Variants in SHISA9 observed in about 807,000 individuals in gnomAD.
SHISA9 encodes the protein protein shisa-9.
In SHISA9, 13 loss-of-function variants were observed where a neutral mutation model predicts 38.0. The ratio of observed to expected loss-of-function variants is 0.34; its 90% CI spans 0.22 to 0.54. The LOEUF (loss-of-function observed/expected upper bound fraction) is 0.54, where lower values mean the gene tolerates loss of function less well. Ranked by LOEUF, SHISA9 falls within the 20% of genes least tolerant of loss-of-function variation. The pLI is 0.91. For missense variants in SHISA9, 538 were observed against 575.8 expected (o/e 0.93, Z 0.67); for synonymous variants, 275 against 242.0 (o/e 1.14, Z -1.27).
In SHISA9 at chr16:13,239,678, G is replaced by T. The variant is rs979201250; in HGVS notation, c.*4269G>T. 10 of 152,148 alleles carry T rather than the reference G, an allele frequency of 6.6e-5. No individual in the cohort carries two copies. The East Asian group carries it at 1.7e-3, about 26-fold the overall frequency. 9.4% of individuals were successfully genotyped at this position (152,148 alleles called of 1,614,324 possible). ...TATCCTTCGCCCACTTTTTGATGGG[G>T]TTGTTTGTTTTTTTCTTGTAAATTT... On this transcript the variant is annotated 3_prime_UTR_variant, in exon 5 of 5. Transcript: ENST00000558583.
At chr16:13,431,793 G>A in the SHISA9 span, among the ~76,000 whole-genome samples, 2 of 152,308 alleles carry the variant, frequency 1.3e-5, no homozygotes, top group African/African-American at 4.8e-5. Flanking sequence ...CGGGCAAGTG[G>A]CTCACGTCTG....
At chr16:13,080,291 T>C (rs1481103864) in intron 2 of SHISA9, among the ~76,000 whole-genome samples, 2 of 152,182 alleles carry the variant, frequency 1.3e-5, no homozygotes, top group Non-Finnish European at 2.9e-5. Context: ...GAGAATGGCA[T>C]GAACCCGGGA....
intron 1 of SHISA9, among the ~76,000 whole-genome samples, chr16:12,914,106 C>T (rs1458149897): frequency 6.9e-6 from 1 of 143,954 alleles, no homozygotes; most frequent in African/African-American, 2.6e-5. Flanking sequence ...AGTGCAATGG[C>T]GCGATCTCGG....
chr16:13,380,661 A>T, the SHISA9 span, among the ~76,000 whole-genome samples: 1 of 152,162 alleles, frequency 6.6e-6, no homozygotes, highest in East Asian at 1.9e-4. Context: ...TTTCTTTTTT[A>T]AAACTTGGCA....
At chr16:12,950,436 C>T (rs1282279502) in intron 2 of SHISA9, among the ~76,000 whole-genome samples, 1 of 152,116 alleles carries the variant, frequency 6.6e-6, no homozygotes, top group Non-Finnish European at 1.5e-5. Context: ...GAAATCATTT[C>T]ACCCCAGTTA....
intron 2 of SHISA9, among the ~76,000 whole-genome samples, chr16:13,063,131 C>T (rs535424855): frequency 3.3e-5 from 5 of 152,258 alleles, no homozygotes; most frequent in East Asian, 1.9e-4. Flanking sequence ...CTCAGCCTCC[C>T]GAGTAGCTGG....
chr16:12,942,879 C>G (rs2071629577), intron 2 of SHISA9, among the ~76,000 whole-genome samples: 1 of 152,090 alleles, frequency 6.6e-6, no homozygotes, highest in Non-Finnish European at 1.5e-5. Context: ...GTGTCTCTCA[C>G]CTTTAGGCAC....
the SHISA9 span, among the ~76,000 whole-genome samples, chr16:13,465,897 T>A: frequency 1.0e-4 from 16 of 152,394 alleles, no homozygotes; most frequent in Non-Finnish European, 1.6e-4. Context: ...AGGTACATAT[T>A]ACTTATGACT....
intron 4 of SHISA9, among the ~76,000 whole-genome samples, chr16:13,229,262 G>A (rs2051308399): frequency 6.6e-6 from 1 of 152,238 alleles, no homozygotes; most frequent in Non-Finnish European, 1.5e-5. Flanking sequence ...ACGCTAGTGA[G>A]TGAGACGGAT....
At chr16:13,516,318 C>T in the SHISA9 span, among the ~76,000 whole-genome samples, 1 of 152,194 alleles carries the variant, frequency 6.6e-6, no homozygotes, top group South Asian at 2.1e-4. Context: ...TTCATAATCA[C>T]CCTGGACCTA....
rs543266247 is a variant in SHISA9 at position 13,072,088 on chromosome 16, G to C, written c.692-131306G>C. On this transcript the variant is annotated intron_variant, in intron 2 of 4. Transcript: ENST00000558583. ...GGGACTAAATGATTCCCTGCCCCTGGTTCCAGCTCAGTCGCTTTGGAAGGC... is the reference window on the plus strand; with the variant it reads ...GGGACTAAATGATTCCCTGCCCCTGCTTCCAGCTCAGTCGCTTTGGAAGGC... 5.6e-4 allele frequency among the ~76,000 whole-genome samples: 85 copies of C among 152,310 alleles called. 1 individual carries two copies. The highest frequency in any genetic ancestry group is 3.4e-3 in the Middle Eastern group (1 of 294).
At chr16:13,311,833 A>C in the SHISA9 span, among the ~76,000 whole-genome samples, 33 of 152,194 alleles carry the variant, frequency 2.2e-4, no homozygotes, top group African/African-American at 8.0e-4. Flanking sequence ...GTGCAAGTCA[A>C]CTTCCTTATA....
intron 1 of SHISA9, chr16:12,908,796 A>G (rs373814390): frequency 2.9e-6 from 4 of 1,364,954 alleles, no homozygotes; most frequent in Non-Finnish European, 3.8e-6. Flanking sequence ...GTTGGTGAGA[A>G]ATGACCTTGG....
chr16:13,230,155 G>T (rs1002889469), intron 4 of SHISA9, among the ~76,000 whole-genome samples: 1 of 152,222 alleles, frequency 6.6e-6, no homozygotes, highest in African/African-American at 2.4e-5. Flanking sequence ...TTGGATGAAT[G>T]CCTGCCTCCC....
At chr16:13,519,064 C>G in the SHISA9 span, among the ~76,000 whole-genome samples, 2 of 151,990 alleles carry the variant, frequency 1.3e-5, no homozygotes, top group South Asian at 2.1e-4. Flanking sequence ...TTTGTGGAGA[C>G]AAATTCACAT....
chr16:13,191,373 G>A (rs2050883807), intron 2 of SHISA9, among the ~76,000 whole-genome samples: 1 of 152,164 alleles, frequency 6.6e-6, no homozygotes, highest in South Asian at 2.1e-4. Context: ...AGGACCTTAT[G>A]GAAACCTAAC....
chr16:13,226,689 C>T (rs2051282819), intron 4 of SHISA9, among the ~76,000 whole-genome samples: 1 of 152,200 alleles, frequency 6.6e-6, no homozygotes, highest in African/African-American at 2.4e-5. Flanking sequence ...TGGCTCCTCT[C>T]AGTTGGATTT....
intron 4 of SHISA9, among the ~76,000 whole-genome samples, chr16:13,223,646 G>A (rs575877845): frequency 3.4e-4 from 52 of 152,214 alleles, no homozygotes; most frequent in African/African-American, 1.1e-3. Context: ...CTCATGCTGC[G>A]AATAAAGATG....
chr16:13,423,287 A>G, the SHISA9 span, among the ~76,000 whole-genome samples: 1 of 152,244 alleles, frequency 6.6e-6, no homozygotes, highest in Non-Finnish European at 1.5e-5. Context: ...GCCTCTGGCC[A>G]TCTGACATCT....
Sources: gnomAD v4.1 joint callset for allele counts (sites outside exome capture counted in the v4.1 genomes callset) on GRCh38, gnomAD v4.1.1 for gene constraint, MANE v1.5 for transcripts, NCBI Gene and HGNC (gene_info 2026-07-23, HGNC 2026-07-21) for gene names.